The following AP4M1 variants were observed in gnomAD, a reference collection of about 807,000 sequenced individuals.
AP4M1 encodes the protein adaptor related protein complex 4 subunit mu 1.
In AP4M1, 58 loss-of-function variants were observed where a neutral mutation model predicts 62.4. The ratio of observed to expected loss-of-function variants is 0.93; its 90% CI spans 0.75 to 1.16. The LOEUF (loss-of-function observed/expected upper bound fraction) is 1.16, where lower values mean the gene tolerates loss of function less well. Ranked by LOEUF, AP4M1 falls within the 50% of genes most tolerant of loss-of-function variation. The pLI is 0.00. For missense variants in AP4M1, 626 were observed against 585.4 expected (o/e 1.07, Z -0.72); for synonymous variants, 290 against 239.7 (o/e 1.21, Z -1.94).
chr7:100,100,969 G>C (rs1289973221), upstream of AP4M1: 67 of 1,007,938 alleles, frequency 6.6e-5, no homozygotes, highest in Non-Finnish European at 5.4e-5. Flanking sequence ...TGAGGTCCTG[G>C]GCGCGACTTT....
intron 5 of AP4M1, 31 bp from the exon 6 acceptor site, chr7:100,103,581 C>T (rs752773611): frequency 1.9e-6 from 3 of 1,613,950 alleles, no homozygotes; most frequent in Non-Finnish European, 8.5e-7. Flanking sequence ...GTTGTCAGAC[C>T]TGATGATTGA....
chr7:100,100,849 C>G, upstream of AP4M1: 1 of 1,021,126 alleles, frequency 9.8e-7, no homozygotes, highest in Non-Finnish European at 1.2e-6. Context: ...GCGGCCCCGG[C>G]CTGCCCGCCC....
In AP4M1 at chr7:100,106,759, G is replaced by A. The variant is rs747001367; in HGVS notation, c.1239G>A (p.Arg413=). 6.2e-7 allele frequency: 1 copy of A among 1,614,008 alleles called. No homozygotes were observed. ...GPASLSFELP[R]HTCSGLQVRF... is the part of the protein sequence containing the mutation. The stretch of plus-strand genomic sequence containing the variant: ...CCAGTCTCTCCTTCGAGCTTCCCCG[G>A]CACACGTGCTCTGGCCTCCAGGTCC... The change falls in exon 15 of 15, where the codon CGG becomes CGA. Residue 413 remains arginine, a synonymous_variant. Transcript: ENST00000359593.
chr7:100,103,275 C>A, intron 4 of AP4M1, 134 bp from the exon 5 acceptor site: 1 of 806,346 alleles, frequency 1.2e-6, no homozygotes, highest in Non-Finnish European at 2.1e-6. Flanking sequence ...AACTCATGGC[C>A]TCAAGCCATT....
chr7:100,105,820 G>A (rs1796423077), intron 11 of AP4M1, 139 bp from the exon 12 acceptor site: 1 of 1,063,322 alleles, frequency 9.4e-7, no homozygotes, highest in Admixed American at 1.7e-5. Flanking sequence ...GGCTAATGGA[G>A]TTGGGCTGGG....
rs1296941726 is a variant in AP4M1, at chr7:100,108,379, C to G, written c.*1497C>G. ...CCCGGCCACGGACCTGCGTGATGGTCAGAGTGGTCCTGTTGACCTGCTGAG... is the reference window on the plus strand; with the variant it reads ...CCCGGCCACGGACCTGCGTGATGGTGAGAGTGGTCCTGTTGACCTGCTGAG... On this transcript the variant is annotated 3_prime_UTR_variant, in exon 15 of 15. Transcript: ENST00000359593. 2 of 1,606,404 alleles carry G rather than the reference C, an allele frequency of 1.2e-6. No homozygotes were observed. Among genetic ancestry groups the G allele is most frequent in the Non-Finnish European group, 1.7e-6 (2 of 1,174,542 alleles).
intron 7 of AP4M1, among the ~76,000 whole-genome samples, chr7:100,104,610 C>T (rs1440658937): frequency 6.6e-6 from 1 of 152,178 alleles, no homozygotes; most frequent in African/African-American, 2.4e-5. Context: ...GTGGGTGGAT[C>T]ACTTAAGGTC....
At chr7:100,102,138 T>A in intron 2 of AP4M1, 170 bp downstream of exon 2, 1 of 737,708 alleles carries the variant, frequency 1.4e-6, no homozygotes, top group Non-Finnish European at 2.3e-6. Context: ...CCCAGCACTT[T>A]GGGAGACCGA....
rs562425819 is a variant in AP4M1 at position 100,106,818 on chromosome 7, A to G, written c.1298A>G (p.Asn433Ser). The G allele has an allele frequency of 2.5e-6, 4 of 1,614,014 alleles. No individual in the cohort carries two copies. In the African/African-American group the frequency reaches 4.0e-5, roughly 16 times the overall value. The stretch of plus-strand genomic sequence containing the variant: ...AGGCTGGCCTTCAGGCCATGCGGCA[A>G]TGCCAACCCCCACAAGTGGGTGCGA... Reference protein sequence around the residue: ...FLRLAFRPCGNANPHKWVRHL... With the variant: ...FLRLAFRPCGSANPHKWVRHL... The change falls in exon 15 of 15, where the codon AAT becomes AGT. Residue 433 changes from asparagine (N) to serine (S), a missense_variant. By Grantham distance (46) the Asn-to-Ser change is conservative. Transcript: ENST00000359593.
chr7:100,108,340 A>C lies in AP4M1; in HGVS notation c.*1458A>C, dbSNP rs202235697. ...CAGGGGTTCTCCTCTGCTTCCTCCT[A>C]TTCCTCCTCCCCACCCGGCCACGGA... On this transcript the variant is annotated 3_prime_UTR_variant, in exon 15 of 15. Coordinates refer to ENST00000359593, the MANE Select transcript of AP4M1 (RefSeq NM_004722.4). The C allele has an allele frequency of 1.9e-6, 3 of 1,581,568 alleles. No individual in the cohort carries two copies. Among genetic ancestry groups the C allele is most frequent in the African/African-American group, 1.3e-5 (1 of 74,114 alleles).
Position 100,108,349 on chromosome 7 carries a change from C to A in AP4M1, c.*1467C>A. On this transcript the variant is annotated 3_prime_UTR_variant, in exon 15 of 15. Transcript: ENST00000359593. ...TCCTCTGCTTCCTCCTATTCCTCCT[C>A]CCCACCCGGCCACGGACCTGCGTGA... 3.2e-6 allele frequency: 5 copies of A among 1,587,218 alleles called. No individual in the cohort carries two copies. The East Asian group carries it at 9.0e-5, about 29-fold the overall frequency.
rs1013897342 is a variant in AP4M1, at chr7:100,105,158, G to C, written c.727+60G>C. On this transcript the variant is annotated intron_variant, in intron 9 of 14. Coordinates refer to ENST00000359593, the MANE Select transcript of AP4M1 (RefSeq NM_004722.4). Reference sequence around the variant, plus strand: ...AGGTCATTGCCAGAGTTCATGGAGAGAAGTCAGACAGAGCCTCCCCTCTCC... The same window carrying C: ...AGGTCATTGCCAGAGTTCATGGAGACAAGTCAGACAGAGCCTCCCCTCTCC... The C allele has an allele frequency of 1.9e-6, 3 of 1,612,884 alleles. No individual in the cohort carries two copies. The African/African-American group carries it at 4.0e-5, about 22-fold the overall frequency.
At chr7:100,100,924 G>T, upstream of AP4M1, 1 of 1,033,538 alleles carries the variant, frequency 9.7e-7, no homozygotes, top group Non-Finnish European at 1.2e-6. Context: ...GCGAAGGAAA[G>T]CGGGCACGGG....
In AP4M1 at chr7:100,107,907, G is replaced by C; in HGVS notation, c.*1025G>C. Reference sequence around the variant, plus strand: ...AACCCAGGCCCTCCAGATGCTCCCTGTCCCACAGCTCTGCATACCTGCTGG... The same window carrying C: ...AACCCAGGCCCTCCAGATGCTCCCTCTCCCACAGCTCTGCATACCTGCTGG... On this transcript the variant is annotated 3_prime_UTR_variant, in exon 15 of 15. Transcript: ENST00000359593. 1 of 1,589,182 alleles carries C rather than the reference G, an allele frequency of 6.3e-7. No individual in the cohort carries two copies.
upstream of AP4M1, chr7:100,101,498 T>C: frequency 1.3e-6 from 1 of 795,078 alleles, no homozygotes; most frequent in Non-Finnish European, 2.1e-6. Context: ...CCAATCACCG[T>C]GCGGGCCTAG....
intron 2 of AP4M1, 91 bp from the exon 3 acceptor site, chr7:100,102,584 G>A (rs111828848): frequency 9.1e-7 from 1 of 1,093,036 alleles, no homozygotes; most frequent in Non-Finnish European, 1.4e-6. Flanking sequence ...TGACTAGTAA[G>A]AGGCATCGGG....
rs751435731 is a variant in AP4M1, at chr7:100,106,814, G to A, written c.1294G>A (p.Gly432Ser). 44 of 1,613,896 alleles carry A rather than the reference G, an allele frequency of 2.7e-5. No homozygotes were observed. Among genetic ancestry groups the A allele is most frequent in the African/African-American group, 5.3e-5 (4 of 74,938 alleles). The change falls in exon 15 of 15, where the codon GGC becomes AGC. Residue 432 changes from glycine (G) to serine (S), a missense_variant. Coordinates refer to ENST00000359593, the MANE Select transcript of AP4M1 (RefSeq NM_004722.4). ...RFLRLAFRPC[G>S]NANPHKWVRH... is the part of the protein sequence containing the mutation. ...CCTCAGGCTGGCCTTCAGGCCATGC[G>A]GCAATGCCAACCCCCACAAGTGGGT...
Position 100,104,936 on chromosome 7 carries a change from C to A in AP4M1, c.669C>A (p.Gly223=). Residue 223 remains glycine (G), a synonymous_variant, in exon 8 of 15, where the codon GGC becomes GGA. Coordinates refer to ENST00000359593, the MANE Select transcript of AP4M1 (RefSeq NM_004722.4). Reference sequence around the variant, plus strand: ...GGCTCAAGAGCTTCCTTCCTAGCGGCTCTGGTGAGGCATCTGCAGGCAGGA... The same window carrying A: ...GGCTCAAGAGCTTCCTTCCTAGCGGATCTGGTGAGGCATCTGCAGGCAGGA... ...EIRLKSFLPS[G]SEMRIGLTEE... 1 of 1,614,172 alleles carries A rather than the reference C, an allele frequency of 6.2e-7. No individual in the cohort carries two copies. Among genetic ancestry groups the A allele is most frequent in the Non-Finnish European group, 8.5e-7 (1 of 1,180,028 alleles).
chr7:100,108,117 G>C lies in AP4M1; in HGVS notation c.*1235G>C, dbSNP rs965767102. The C allele has an allele frequency of 2.1e-5, 34 of 1,598,088 alleles. No homozygotes were observed. The highest frequency in any genetic ancestry group is 2.0e-5 in the Non-Finnish European group (24 of 1,174,824). ...GGGGCCTGCGAGAGGGTCAGCGTGG[G>C]CCGGGGCTGCGGGGAGAAGAGGAAA... is the stretch of plus-strand genomic sequence containing the variant. On this transcript the variant is annotated 3_prime_UTR_variant, in exon 15 of 15. Transcript: ENST00000359593.
Sources: gnomAD v4.1 joint callset for allele counts (sites outside exome capture counted in the v4.1 genomes callset) on GRCh38, gnomAD v4.1.1 for gene constraint, MANE v1.5 for transcripts, NCBI Gene and HGNC (gene_info 2026-07-23, HGNC 2026-07-21) for gene names.